DNAH6: variants seen among roughly 807,000 people sequenced by gnomAD.
The protein encoded by DNAH6 is dynein axonemal heavy chain 6.
DNAH6 carries 340 observed loss-of-function variants against 491.4 expected under a neutral mutation model. The ratio of observed to expected loss-of-function variants is 0.69; its 90% confidence interval spans 0.63 to 0.76. The LOEUF is 0.76. DNAH6 is among the 30% of genes least tolerant of loss of function. The pLI is 0.00. For synonymous variants in DNAH6, 1,603 were observed against 1,686.1 expected (o/e 0.95, Z 1.21); for missense variants, 4,443 against 4,972.2 (o/e 0.89, Z 3.20).
chr2:84,494,486 T>C, the DNAH6 span, among the ~76,000 whole-genome samples: 2 of 152,202 alleles, frequency 1.3e-5, no homozygotes, highest in South Asian at 4.1e-4. Context: ...GTAGAATTAC[T>C]AAAGAGAGTT....
At chr2:84,797,182 T>C (rs1190208470) in intron 69 of DNAH6, among the ~76,000 whole-genome samples, 1 of 152,196 alleles carries the variant, frequency 6.6e-6, no homozygotes, top group African/African-American at 2.4e-5. Flanking sequence ...ATAAAAGCAA[T>C]CTCTAACACA....
Position 84,681,434 on chromosome 2 carries a change from T to C in DNAH6, c.6822T>C (p.Val2274=), listed in dbSNP as rs1693764819. ...QTASSIVEAS[V]EIYNKMSVDL... ...CATCAAGCATTGTAGAAGCCTCAGTTGAGATTTATAACAAAATGAGTGTTG... is the reference window on the plus strand; with the variant it reads ...CATCAAGCATTGTAGAAGCCTCAGTCGAGATTTATAACAAAATGAGTGTTG... The change falls in exon 42 of 77, where the codon GTT becomes GTC. Residue 2274 remains valine, a synonymous_variant. Coordinates refer to ENST00000389394, the MANE Select transcript of DNAH6 (RefSeq NM_001370.2). 19 of 1,549,522 alleles carry C rather than the reference T, an allele frequency of 1.2e-5. No homozygotes were observed. Among genetic ancestry groups the C allele is most frequent in the Non-Finnish European group, 1.7e-5 (19 of 1,145,136 alleles).
intron 37 of DNAH6, among the ~76,000 whole-genome samples, chr2:84,668,574 G>A (rs1054441459): frequency 6.6e-6 from 1 of 152,092 alleles, no homozygotes; most frequent in East Asian, 1.9e-4. Context: ...CTCACTGTAT[G>A]CAGCGCTCTC....
the DNAH6 span, among the ~76,000 whole-genome samples, chr2:84,473,486 A>G: frequency 6.6e-6 from 1 of 152,246 alleles, no homozygotes; most frequent in East Asian, 1.9e-4. Flanking sequence ...GTTGTATTGG[A>G]TTAATTCATT....
At chr2:84,670,089 G>A (rs2104662937) in intron 38 of DNAH6, among the ~76,000 whole-genome samples, 1 of 152,314 alleles carries the variant, frequency 6.6e-6, no homozygotes, top group South Asian at 2.1e-4. Context: ...GAGTAGCCAA[G>A]ATGGATTTTG....
At chr2:84,528,180 G>A (rs568503980) in intron 3 of DNAH6, among the ~76,000 whole-genome samples, 27 of 152,148 alleles carry the variant, frequency 1.8e-4, no homozygotes, top group Non-Finnish European at 3.5e-4. Context: ...GTGGGACTCA[G>A]CCTTGCTGCT....
At chr2:84,738,816 C>A (rs1573656442) in intron 62 of DNAH6, among the ~76,000 whole-genome samples, 1 of 152,006 alleles carries the variant, frequency 6.6e-6, no homozygotes, top group Admixed American at 6.5e-5. Flanking sequence ...TTAAGTTGAG[C>A]ATTTAGGCCA....
chr2:84,534,820 A>G (rs1323636543), intron 4 of DNAH6, among the ~76,000 whole-genome samples: 3 of 152,050 alleles, frequency 2.0e-5, no homozygotes, highest in South Asian at 2.1e-4. Context: ...TTCAAATTCA[A>G]CTTGGGAAAT....
intron 29 of DNAH6, among the ~76,000 whole-genome samples, chr2:84,631,444 A>G (rs1480885172): frequency 1.4e-4 from 22 of 152,122 alleles, no homozygotes; most frequent in Non-Finnish European, 2.2e-4. Context: ...TCAAGTCCTC[A>G]TGCCTAATAT....
At chr2:84,527,794 G>A (rs1193505720) in intron 3 of DNAH6, among the ~76,000 whole-genome samples, 1 of 152,186 alleles carries the variant, frequency 6.6e-6, no homozygotes, top group Non-Finnish European at 1.5e-5. Flanking sequence ...AATGTTCCCT[G>A]TGAGTACAAA....
chr2:84,483,900 T>A, the DNAH6 span, among the ~76,000 whole-genome samples: 1 of 152,080 alleles, frequency 6.6e-6, no homozygotes, highest in African/African-American at 2.4e-5. Context: ...TGAGTAGGAA[T>A]AAAAGTCCCA....
At chr2:84,680,645 G>A (rs933353844) in intron 41 of DNAH6, among the ~76,000 whole-genome samples, 31 of 151,978 alleles carry the variant, frequency 2.0e-4, no homozygotes, top group Non-Finnish European at 4.1e-4. Flanking sequence ...GAAGGGAGGG[G>A]TGAAGTGAGG....
In DNAH6 at chr2:84,659,060, CT is replaced by C; in HGVS notation, c.5979del (p.Phe1993LeufsTer13). The C allele has an allele frequency of 1.4e-6, 2 of 1,478,500 alleles. No individual in the cohort carries two copies. The highest frequency in any genetic ancestry group is 1.4e-5 in the African/African-American group (1 of 71,220). The allele number at this position is 1,478,500 out of a possible 1,614,324, so 91.6% of individuals were successfully genotyped here. A position where few individuals can be genotyped will look rare whatever the true frequency, so the allele number is the denominator to read the frequency against. On this transcript the variant is annotated frameshift_variant, in exon 37 of 77. Coordinates refer to ENST00000389394, the MANE Select transcript of DNAH6 (RefSeq NM_001370.2). LOFTEE classifies it high-confidence loss of function. ...QTKLNTILCQ[T>X]FVFCYLWSLG... ...AAATTGAACACTATACTATGTCAGA[CT>C]TTTGTATTCTGTTATTTGTGGTCTT... is the stretch of plus-strand genomic sequence containing the variant.
At chr2:84,562,159 A>G (rs1407375111) in intron 11 of DNAH6, among the ~76,000 whole-genome samples, 2 of 152,166 alleles carry the variant, frequency 1.3e-5, no homozygotes, top group Non-Finnish European at 2.9e-5. Flanking sequence ...GGAATTAAAG[A>G]ATATCAGTAA....
At chr2:84,553,558 G>T (rs556149778) in intron 10 of DNAH6, among the ~76,000 whole-genome samples, 6 of 149,794 alleles carry the variant, frequency 4.0e-5, no homozygotes, top group Non-Finnish European at 7.4e-5. Context: ...AACCTCCAAG[G>T]CTCAAGCAAT....
At position 84,756,056 on chromosome 2, in the gene DNAH6, A is replaced by G. The variant is rs1322765359; in HGVS notation, c.10513-6699A>G. On this transcript the variant is annotated intron_variant, in intron 63 of 76. Coordinates refer to ENST00000389394, the MANE Select transcript of DNAH6 (RefSeq NM_001370.2). Reference sequence around the variant, plus strand: ...GGCTTCCCCAGCCACGTGGAATTGTAAGTCCAATTAAACCTCTTTCTTTTG... The same window carrying G: ...GGCTTCCCCAGCCACGTGGAATTGTGAGTCCAATTAAACCTCTTTCTTTTG... Among the ~76,000 whole-genome samples the G allele has an allele frequency of 2.6e-5, 4 of 152,210 alleles. 1 individual carries two copies. The East Asian group carries it at 5.8e-4, about 22-fold the overall frequency.
chr2:84,674,857 C>G (rs1220399881), intron 40 of DNAH6, among the ~76,000 whole-genome samples: 1 of 152,130 alleles, frequency 6.6e-6, no homozygotes, highest in Non-Finnish European at 1.5e-5. Context: ...ATGCCTCTCC[C>G]TGGCACTCTG....
chr2:84,764,921 G>A (rs532537036), intron 64 of DNAH6, among the ~76,000 whole-genome samples: 1 of 151,996 alleles, frequency 6.6e-6, no homozygotes, highest in South Asian at 2.1e-4. Flanking sequence ...ATAAAAGTTG[G>A]AAATAACCTA....
intron 75 of DNAH6, among the ~76,000 whole-genome samples, chr2:84,815,279 C>T (rs549338912): frequency 2.6e-5 from 4 of 152,162 alleles, no homozygotes; most frequent in Non-Finnish European, 2.9e-5. Context: ...AGTCCTCTGC[C>T]TGCAGACGTG....
Sources: allele counts gnomAD v4.1 joint callset (sites outside exome capture counted in the v4.1 genomes callset), GRCh38; gene constraint gnomAD v4.1.1; transcripts MANE v1.5; gene names NCBI Gene and HGNC (gene_info 2026-07-23, HGNC 2026-07-21).